DLC1: variants seen among roughly 807,000 people sequenced by gnomAD.
DLC1 encodes rho GTPase-activating protein 7.
Under a neutral mutation model 140.3 loss-of-function variants are expected in DLC1, and 54 were observed. The observed-to-expected ratio is 0.38, with a 90% CI of 0.31 to 0.48. The LOEUF (loss-of-function observed/expected upper bound fraction) is 0.48, where lower values mean the gene tolerates loss of function less well. Ranked by LOEUF, DLC1 falls within the 20% of genes least tolerant of loss-of-function variation. The probability of loss-of-function intolerance (pLI) is 0.96; values close to 1 mark genes in which losing one functional copy is unlikely to be tolerated. For missense variants in DLC1, 2,536 were observed against 1,907.0 expected (o/e 1.33, Z -6.14); for synonymous variants, 986 against 728.1 (o/e 1.35, Z -5.70).
rs576944469 is a variant in DLC1, at chr8:13,554,828, G to A, written c.-126+49709C>T. 2.6e-5 allele frequency among the ~76,000 whole-genome samples: 4 copies of A among 152,288 alleles called. No homozygotes were observed. The East Asian group carries it at 7.7e-4, about 29-fold the overall frequency. On this transcript the variant is annotated intron_variant, in intron 1 of 1. Transcript: ENST00000631382. ...AGCAGCCAGAGATATCTGTTAAGAT[G>A]TCTGCTCAAATATTCTAATAGTTAT...
chr8:13,389,450 G>T (rs76054630), intron 4 of DLC1, among the ~76,000 whole-genome samples: 2,514 of 152,226 alleles, frequency 0.017, 98 homozygotes, highest in African/African-American at 0.056. Flanking sequence ...GTGAGATTGT[G>T]TCAAAAGAAC....
chr8:13,181,512 G>T (rs1826035206), intron 5 of DLC1, among the ~76,000 whole-genome samples: 1 of 142,382 alleles, frequency 7.0e-6, no homozygotes, highest in South Asian at 2.4e-4. Flanking sequence ...TCCGGTCCCG[G>T]TGTGTGATGT....
At chr8:13,192,482 G>A (rs1174581926) in intron 5 of DLC1, among the ~76,000 whole-genome samples, 2 of 152,196 alleles carry the variant, frequency 1.3e-5, no homozygotes, top group South Asian at 2.1e-4. Flanking sequence ...CCACACATGC[G>A]TACATAGAAA....
In DLC1 at chr8:13,100,790, C is replaced by A. The variant is rs1457311806; in HGVS notation, c.1567-20G>T. ...GTCACTCTGCAAAGACAGAAAGGAG[C>A]CATTCACACACTGGGGCTGGCAGCC... On this transcript the variant is annotated intron_variant, in intron 8 of 17. Transcript: ENST00000276297. The A allele has an allele frequency of 6.5e-7, 1 of 1,537,896 alleles. No homozygotes were observed. The highest frequency in any genetic ancestry group is 2.3e-5 in the East Asian group (1 of 44,310).
intron 1 of DLC1, among the ~76,000 whole-genome samples, chr8:13,561,112 A>G (rs1183933985): frequency 7.2e-6 from 1 of 139,268 alleles, no homozygotes; most frequent in African/African-American, 2.6e-5. Flanking sequence ...GTATATTTAA[A>G]GTGTTTTTCC....
At chr8:13,096,153 A>T (rs1818483144) in intron 10 of DLC1, 1 of 152,214 alleles carries the variant, frequency 6.6e-6, no homozygotes, top group Admixed American at 6.5e-5. Context: ...CTTGTGTAGG[A>T]TTCCTCCCTG....
At chr8:13,339,825 A>G (rs2116978105) in intron 4 of DLC1, 1 of 152,338 alleles carries the variant, frequency 6.6e-6, no homozygotes, top group Admixed American at 6.5e-5. Context: ...CTCATGGCTC[A>G]AGGACTTGTA....
intron 2 of DLC1, among the ~76,000 whole-genome samples, chr8:13,490,783 G>A (rs192693720): frequency 6.6e-6 from 1 of 151,980 alleles, no homozygotes; most frequent in East Asian, 1.9e-4. Context: ...ATTAATTCTT[G>A]CTCCAATAAA....
chr8:13,164,561 G>A (rs534042472), intron 5 of DLC1, among the ~76,000 whole-genome samples: 2 of 152,110 alleles, frequency 1.3e-5, no homozygotes, highest in African/African-American at 2.4e-5. Flanking sequence ...TAATTTTAAC[G>A]GGATCTTATC....
At chr8:13,354,894 G>T (rs1271459843) in intron 4 of DLC1, among the ~76,000 whole-genome samples, 1 of 149,976 alleles carries the variant, frequency 6.7e-6, no homozygotes, top group East Asian at 2.0e-4. Context: ...TATTGAGGCT[G>T]CAGCGGGCCG....
chr8:13,582,421 G>A (rs1238910436), intron 1 of DLC1, among the ~76,000 whole-genome samples: 1 of 152,096 alleles, frequency 6.6e-6, no homozygotes, highest in Admixed American at 6.6e-5. Context: ...AGTGGACTGG[G>A]GAAGGCAGAC....
At chr8:13,255,854 T>G (rs1051727100) in intron 5 of DLC1, among the ~76,000 whole-genome samples, 8 of 152,252 alleles carry the variant, frequency 5.3e-5, no homozygotes, top group African/African-American at 1.9e-4. Flanking sequence ...ACTTAATATT[T>G]GTTAAATGAA....
Position 13,099,796 on chromosome 8 carries a change from G to C in DLC1, c.2541C>G (p.Gly847=). The stretch of plus-strand genomic sequence containing the variant: ...TGTTTTCCCTCCTGAGGCTGATGTG[G>C]CCAGGGCCGTGGAAGCTTCCCGTCC... ...NWRTGSFHGP[G]HISLRRENSS... is the part of the protein sequence containing the mutation. Residue 847 remains glycine, a synonymous_variant, in exon 9 of 18, where the codon GGC becomes GGG. Coordinates refer to ENST00000276297, the MANE Select transcript of DLC1 (RefSeq NM_182643.3). 3 of 1,614,162 alleles carry C rather than the reference G, an allele frequency of 1.9e-6. No individual in the cohort carries two copies. Among genetic ancestry groups the C allele is most frequent in the African/African-American group, 1.3e-5 (1 of 75,042 alleles).
chr8:13,233,507 G>T (rs1284281376), intron 5 of DLC1, among the ~76,000 whole-genome samples: 1 of 151,824 alleles, frequency 6.6e-6, no homozygotes, highest in African/African-American at 2.4e-5. Flanking sequence ...CCAAAAATAA[G>T]ATATTTTAAG....
chr8:13,128,598 C>T (rs1044732499), intron 5 of DLC1, among the ~76,000 whole-genome samples: 3 of 152,146 alleles, frequency 2.0e-5, no homozygotes, highest in Non-Finnish European at 2.9e-5. Flanking sequence ...TTTGGGAGGC[C>T]GAGGCGGGCG....
intron 2 of DLC1, among the ~76,000 whole-genome samples, chr8:13,403,139 C>T (rs1837373152): frequency 6.6e-6 from 1 of 152,176 alleles, no homozygotes; most frequent in Non-Finnish European, 1.5e-5. Context: ...TATGCTAATT[C>T]CTTCAGAATA....
intron 2 of DLC1, among the ~76,000 whole-genome samples, chr8:13,489,701 G>T (rs4515549): frequency 0.86 from 130,628 of 152,086 alleles, 56,837 homozygotes; most frequent in Non-Finnish European, 0.94. Context: ...GGCTTCTTTA[G>T]TTTGTTCTAG....
At chr8:13,505,387 AC>A (rs1370882083) in intron 1 of DLC1, among the ~76,000 whole-genome samples, 1 of 152,210 alleles carries the variant, frequency 6.6e-6, no homozygotes, top group Non-Finnish European at 1.5e-5. Flanking sequence ...GTTTAGAAAT[AC>A]AGAGTTAAAT....
At chr8:13,439,435 C>T (rs1031785130) in intron 2 of DLC1, among the ~76,000 whole-genome samples, 1 of 152,204 alleles carries the variant, frequency 6.6e-6, no homozygotes, top group East Asian at 1.9e-4. Context: ...TAAGTTTGAG[C>T]ACTCCATTTT....
Sources: allele counts gnomAD v4.1 joint callset (sites outside exome capture counted in the v4.1 genomes callset), GRCh38; gene constraint gnomAD v4.1.1; transcripts MANE v1.5; gene names NCBI Gene and HGNC (gene_info 2026-07-23, HGNC 2026-07-21).